ANKRD22: variants seen among roughly 807,000 people sequenced by gnomAD.
ANKRD22 encodes the protein ankyrin repeat domain 22.
ANKRD22 carries 24 observed loss-of-function variants against 25.7 expected under a neutral mutation model. That is an observed-to-expected ratio of 0.93 (90% CI 0.68 to 1.31). The LOEUF is 1.31. ANKRD22 is among the 50% of genes most tolerant of loss of function. The pLI, the probability that ANKRD22 is intolerant of heterozygous loss-of-function variation, is 0.00. For synonymous variants in ANKRD22, 84 were observed against 84.3 expected, an observed-to-expected ratio of 1.00 and a Z score of 0.02; for missense variants, 214 against 227.1, an observed-to-expected ratio of 0.94 and a Z score of 0.37.
chr10:88,826,414 C>T (rs535999952), intron 3 of ANKRD22, among the ~76,000 whole-genome samples: 1 of 152,182 alleles, frequency 6.6e-6, no homozygotes, highest in Non-Finnish European at 1.5e-5. Context: ...ACCTGTCTTT[C>T]CCTTCCTGGC....
intron 1 of ANKRD22, among the ~76,000 whole-genome samples, chr10:88,844,324 C>T (rs1844029050): frequency 6.6e-6 from 1 of 151,992 alleles, no homozygotes; most frequent in African/African-American, 2.4e-5. Flanking sequence ...ATGGTTAGGA[C>T]TTTGAATTTT....
chr10:88,827,353 C>T (rs978027781), intron 3 of ANKRD22, among the ~76,000 whole-genome samples: 3 of 152,206 alleles, frequency 2.0e-5, no homozygotes, highest in African/African-American at 4.8e-5. Flanking sequence ...TTGAGCTATT[C>T]ATTACGATTA....
rs61735049 is a variant in ANKRD22 at position 88,820,266 on chromosome 10, C to T, written c.*2675G>A. On this transcript the variant is annotated 3_prime_UTR_variant, in exon 6 of 6. Transcript: ENST00000371930. The stretch of plus-strand genomic sequence containing the variant: ...GTAAGGTACAGAGTCAGAGATATGA[C>T]GGTCCCTACAGCAATGTGGACAGGA... 1,557 of 1,551,552 alleles carry T rather than the reference C, an allele frequency of 1.0e-3. 9 individuals carry two copies. The African/African-American group carries it at 0.016, about 16-fold the overall frequency.
chr10:88,834,942 A>G (rs1448459591), intron 1 of ANKRD22, among the ~76,000 whole-genome samples: 1 of 151,478 alleles, frequency 6.6e-6, no homozygotes, highest in Non-Finnish European at 1.5e-5. Context: ...AAAAGAAAAA[A>G]AAAGAAAGAA....
rs12413277 is a variant in ANKRD22 at position 88,823,129 on chromosome 10, C to T, written c.499-111G>A. 20,105 of 1,261,188 alleles carry T rather than the reference C, an allele frequency of 0.016. 874 individuals are homozygous for T. In the East Asian group the frequency reaches 0.16, roughly 10 times the overall value. 78.1% of individuals were successfully genotyped at this position (1,261,188 alleles called of 1,614,324 possible). On this transcript the variant is annotated intron_variant, in intron 5 of 5. Transcript: ENST00000371930. Reference sequence around the variant, plus strand: ...CAAGGGCTTTAAAAGGCAATCAGTCCTAATAGTAATAGGATAACTTCATTC... The same window carrying T: ...CAAGGGCTTTAAAAGGCAATCAGTCTTAATAGTAATAGGATAACTTCATTC...
chr10:88,842,510 A>G (rs1014720838), intron 1 of ANKRD22, among the ~76,000 whole-genome samples: 8 of 152,150 alleles, frequency 5.3e-5, no homozygotes, highest in African/African-American at 1.9e-4. Context: ...TCTTCAATTC[A>G]ATTCAACAGA....
intron 1 of ANKRD22, among the ~76,000 whole-genome samples, chr10:88,846,656 A>G (rs1402236778): frequency 6.6e-6 from 1 of 152,192 alleles, no homozygotes; most frequent in Non-Finnish European, 1.5e-5. Flanking sequence ...TTACTCTTTG[A>G]AAATAGTGAG....
Position 88,822,225 on chromosome 10 carries a change from T to A in ANKRD22, c.*716A>T, listed in dbSNP as rs1029237993. On this transcript the variant is annotated 3_prime_UTR_variant, in exon 6 of 6. Coordinates refer to ENST00000371930, the MANE Select transcript of ANKRD22 (RefSeq NM_144590.3). The stretch of plus-strand genomic sequence containing the variant: ...AACTCTGATTTGTCAATTTGCCAAT[T>A]TCTGTGGTGTAAACACACTCACCGC... 1 of 152,188 alleles carries A rather than the reference T, an allele frequency of 6.6e-6. No homozygotes were observed. The highest frequency in any genetic ancestry group is 2.4e-5 in the African/African-American group (1 of 41,442). The allele number at this position is 152,188 out of a possible 1,614,324, so 9.4% of individuals were successfully genotyped here. A position where few individuals can be genotyped will look rare whatever the true frequency, so the allele number is the denominator to read the frequency against.
At chr10:88,847,935 A>G (rs1844067051) in intron 1 of ANKRD22, among the ~76,000 whole-genome samples, 1 of 151,868 alleles carries the variant, frequency 6.6e-6, no homozygotes, top group Non-Finnish European at 1.5e-5. Flanking sequence ...TGTTCAAGAA[A>G]AAGATATATC....
intron 1 of ANKRD22, among the ~76,000 whole-genome samples, chr10:88,847,192 A>G (rs1290334346): frequency 6.6e-6 from 1 of 151,980 alleles, no homozygotes; most frequent in Non-Finnish European, 1.5e-5. Context: ...TCAGCATAGG[A>G]CTTAAACAGT....
chr10:88,835,238 C>T (rs539462593), intron 1 of ANKRD22, among the ~76,000 whole-genome samples: 9 of 152,258 alleles, frequency 5.9e-5, no homozygotes, highest in Non-Finnish European at 1.0e-4. Flanking sequence ...GCTTTCTCAA[C>T]CCCATTTGAG....
intron 3 of ANKRD22, 107 bp downstream of exon 3, chr10:88,828,451 CT>C (rs1564603018): frequency 2.4e-6 from 2 of 843,880 alleles, no homozygotes; most frequent in Non-Finnish European, 3.8e-6. Context: ...AAACCAAAGG[CT>C]TTTTTTGTTT....
intron 1 of ANKRD22, among the ~76,000 whole-genome samples, chr10:88,838,398 C>A (rs754841700): frequency 1.3e-5 from 2 of 152,092 alleles, no homozygotes; most frequent in Non-Finnish European, 2.9e-5. Context: ...CAGATAAAGA[C>A]AAATGAACTT....
chr10:88,835,273 T>C (rs557602011), intron 1 of ANKRD22, among the ~76,000 whole-genome samples: 5 of 152,316 alleles, frequency 3.3e-5, no homozygotes, highest in African/African-American at 9.6e-5. Flanking sequence ...ATACTAACCC[T>C]ATCTTTAGTC....
intron 1 of ANKRD22, among the ~76,000 whole-genome samples, chr10:88,843,524 T>C (rs1844022077): frequency 6.6e-6 from 1 of 152,204 alleles, no homozygotes; most frequent in Admixed American, 6.6e-5. Flanking sequence ...TTTTTCATTT[T>C]TCAAAATTGT....
chr10:88,837,398 G>A (rs1438952003), intron 1 of ANKRD22, among the ~76,000 whole-genome samples: 1 of 152,208 alleles, frequency 6.6e-6, no homozygotes, highest in South Asian at 2.1e-4. Context: ...ATGGACAGGA[G>A]TGGTTATGAG....
intron 1 of ANKRD22, among the ~76,000 whole-genome samples, chr10:88,837,547 A>C (rs1034527802): frequency 6.6e-5 from 10 of 152,342 alleles, no homozygotes; most frequent in Admixed American, 2.6e-4. Context: ...CATGGATGGA[A>C]AGAAGTTTAG....
At chr10:88,825,790 C>T (rs747426220) in intron 4 of ANKRD22, among the ~76,000 whole-genome samples, 4 of 152,102 alleles carry the variant, frequency 2.6e-5, no homozygotes, top group Admixed American at 6.5e-5. Flanking sequence ...TTTTCCTTAA[C>T]GTCTCAACAA....
At chr10:88,837,402 T>C (rs1843964067) in intron 1 of ANKRD22, among the ~76,000 whole-genome samples, 1 of 152,092 alleles carries the variant, frequency 6.6e-6, no homozygotes, top group African/African-American at 2.4e-5. Context: ...ACAGGAGTGG[T>C]TATGAGAGGG....
Sources: gnomAD v4.1 joint callset for allele counts (sites outside exome capture counted in the v4.1 genomes callset) on GRCh38, gnomAD v4.1.1 for gene constraint, MANE v1.5 for transcripts, NCBI Gene and HGNC (gene_info 2026-07-23, HGNC 2026-07-21) for gene names.